Variants in CTIF observed in about 807,000 individuals in gnomAD.
CTIF encodes the protein CBP80/20-dependent translation initiation factor.
A neutral mutation model predicts 66.0 loss-of-function variants in CTIF; 21 were observed. The ratio of observed to expected loss-of-function variants is 0.32; its 90% confidence interval spans 0.23 to 0.46. CTIF has a LOEUF of 0.46. Among genes scored for constraint, CTIF ranks in the 20% least tolerant of loss-of-function variants. The pLI is 1.00. For synonymous variants in CTIF, 345 were observed against 326.4 expected (o/e 1.06, Z -0.62); for missense variants, 739 against 812.7 (o/e 0.91, Z 1.10).
At chr18:48,714,294 C>T (rs1480167985) in intron 7 of CTIF, among the ~76,000 whole-genome samples, 3 of 152,292 alleles carry the variant, frequency 2.0e-5, no homozygotes. Context: ...ATTTCCTGGG[C>T]ACGCATGGTG....
rs2069508683 is a variant in CTIF, at chr18:48,862,882, G to GAC, written c.*3324_*3325dup. 6.6e-6 allele frequency: 1 copy of GAC among 152,282 alleles called. No individual in the cohort carries two copies. The highest frequency in any genetic ancestry group is 1.5e-5 in the Non-Finnish European group (1 of 68,066). 9.4% of individuals were successfully genotyped at this position (152,282 alleles called of 1,614,324 possible). On this transcript the variant is annotated 3_prime_UTR_variant, in exon 12 of 12. Coordinates refer to ENST00000256413, the MANE Select transcript of CTIF (RefSeq NM_014772.3). ...GCCCGTGTTCCTTGTCAGACAGACA[G>GAC]ACTCTCAGGCCTGCCTGGGGAGTCG...
At chr18:48,650,126 A>G (rs1413551913) in intron 3 of CTIF, among the ~76,000 whole-genome samples, 1 of 152,258 alleles carries the variant, frequency 6.6e-6, no homozygotes, top group Non-Finnish European at 1.5e-5. Flanking sequence ...ATGGAGAATG[A>G]CTTTGATGAG....
intron 10 of CTIF, among the ~76,000 whole-genome samples, chr18:48,827,788 C>T (rs1400505916): frequency 3.9e-5 from 6 of 152,190 alleles, no homozygotes; most frequent in Admixed American, 3.9e-4. Context: ...GTAACCTCCG[C>T]CGAAATAACT....
intron 1 of CTIF, among the ~76,000 whole-genome samples, chr18:48,592,661 C>T (rs537737663): frequency 1.1e-3 from 170 of 152,348 alleles, no homozygotes; most frequent in Middle Eastern, 3.4e-3. Context: ...GAGCCTGCCT[C>T]GGCCACTGTC....
rs1328549756 is a variant in CTIF at position 48,619,711 on chromosome 18, G to A, written c.146G>A (p.Gly49Asp). 3 of 1,604,888 alleles carry A rather than the reference G, an allele frequency of 1.9e-6. No individual in the cohort carries two copies. The highest frequency in any genetic ancestry group is 1.3e-5 in the African/African-American group (1 of 74,798). ...CTGGCTGACAAGACGGAGGGTGATG[G>A]CGAGAGCGAGAGGACCCAGTCCCAC... The part of the protein sequence containing the change: ...GLLADKTEGD[G>D]ESERTQSHIS... The change falls in exon 2 of 12, where the codon GGC (glycine) becomes GAC (aspartate). Residue 49 changes from glycine (G) to aspartate (D), a missense_variant. By Grantham distance (94) the Gly-to-Asp change is moderately conservative. Coordinates refer to ENST00000256413, the MANE Select transcript of CTIF (RefSeq NM_014772.3).
At chr18:48,754,789 T>C (rs12960903) in intron 7 of CTIF, among the ~76,000 whole-genome samples, 32,012 of 152,184 alleles carry the variant, frequency 0.21, 4,211 homozygotes, top group African/African-American at 0.37. Context: ...TGGCCATTGC[T>C]ATATTGTCAG....
At chr18:48,688,070 C>T (rs1161441634) in intron 6 of CTIF, among the ~76,000 whole-genome samples, 3 of 152,142 alleles carry the variant, frequency 2.0e-5, no homozygotes, top group Admixed American at 2.0e-4. Flanking sequence ...GCAAGTCTAC[C>T]CTTAAGGAAA....
intron 7 of CTIF, among the ~76,000 whole-genome samples, chr18:48,733,401 A>G (rs1174308734): frequency 3.3e-5 from 5 of 152,150 alleles, no homozygotes; most frequent in African/African-American, 9.6e-5. Context: ...TGAGTGTTGA[A>G]TAGGGCTAGC....
In CTIF at chr18:48,636,649, C is replaced by A; in HGVS notation, c.216C>A (p.Ser72Arg). Residue 72 changes from serine (S) to arginine (R), a missense_variant, in exon 3 of 12, where the codon AGC (serine) becomes AGA (arginine). Around this residue, in one of 2 missense-constraint regions of CTIF, gnomAD observed 529 missense variants for 520.3 expected, o/e 1.02. Transcript: ENST00000256413. ...ACTGCAGCGAACCGCTGGACAGCAG[C>A]TGTTCCTTCTCCCGAGGGCGAGCCC... ...TADCSEPLDS[S>R]CSFSRGRAPP... 2 of 1,601,806 alleles carry A rather than the reference C, an allele frequency of 1.2e-6. No homozygotes were observed. The highest frequency in any genetic ancestry group is 1.7e-6 in the Non-Finnish European group (2 of 1,175,154).
intron 1 of CTIF, among the ~76,000 whole-genome samples, chr18:48,541,084 G>T (rs1011807942): frequency 6.6e-6 from 1 of 152,170 alleles, no homozygotes; most frequent in Non-Finnish European, 1.5e-5. Context: ...GGGTGACCCC[G>T]CACCGAGGCG....
rs577000620 is a variant in CTIF at position 48,739,712 on chromosome 18, G to A, written c.585-18207G>A. On this transcript the variant is annotated intron_variant, in intron 7 of 11. Transcript: ENST00000256413. ...GGCGGGGCCCTTCCCAGGGGCCACT[G>A]GAAGCTGAGAGGCCTGTGGGGCACA... Among the ~76,000 whole-genome samples the A allele has an allele frequency of 3.6e-4, 55 of 152,338 alleles. No individual in the cohort carries two copies. The South Asian group carries it at 7.9e-3, about 22-fold the overall frequency.
rs549289494 is a variant in CTIF at position 48,773,606 on chromosome 18, C to T, written c.1371+11917C>T. 1.3e-3 allele frequency among the ~76,000 whole-genome samples: 195 copies of T among 152,336 alleles called. 1 individual carries two copies. Among genetic ancestry groups the T allele is most frequent in the Non-Finnish European group, 5.0e-4 (34 of 68,024 alleles). ...TCTGGGACAAGTCAGTGGGCATCTT[C>T]GAACCAGAGCCCCTGGGTGAGCAGG... On this transcript the variant is annotated intron_variant, in intron 9 of 11. Transcript: ENST00000256413.
At position 48,757,970 on chromosome 18, in the gene CTIF, C is replaced by G; in HGVS notation, c.636C>G (p.His212Gln). The G allele has an allele frequency of 6.2e-7, 1 of 1,613,940 alleles. No homozygotes were observed. Among genetic ancestry groups the G allele is most frequent in the Non-Finnish European group, 8.5e-7 (1 of 1,179,954 alleles). ...ACAAGCCCCAACAGCATGGTGACCA[C>G]CAGCCAGGCAGTGCCAAACACAACA... ...GGNKPQQHGDHQPGSAKHNRD... is the reference protein window; with the variant it reads ...GGNKPQQHGDQQPGSAKHNRD... The change falls in exon 8 of 12, where the codon CAC becomes CAG. Residue 212 changes from histidine to glutamine, a missense_variant. Physicochemically the swap from His to Gln is conservative, Grantham distance 24. This residue lies in a region of CTIF where 529 missense variants were observed against 520.3 expected (regional missense o/e 1.02). Coordinates refer to ENST00000256413, the MANE Select transcript of CTIF (RefSeq NM_014772.3).
chr18:48,628,485 G>A (rs1177749202), intron 2 of CTIF, among the ~76,000 whole-genome samples: 1 of 152,160 alleles, frequency 6.6e-6, no homozygotes, highest in East Asian at 1.9e-4. Flanking sequence ...TCTTACAAGG[G>A]AGGAAACTGA....
At chr18:48,854,712 G>C (rs1270634584) in intron 10 of CTIF, among the ~76,000 whole-genome samples, 1 of 152,160 alleles carries the variant, frequency 6.6e-6, no homozygotes, top group Non-Finnish European at 1.5e-5. Context: ...CTTGAGGCCA[G>C]GAGTTCAAGA....
intron 1 of CTIF, among the ~76,000 whole-genome samples, chr18:48,570,024 A>T (rs2089375943): frequency 1.3e-5 from 2 of 152,184 alleles, no homozygotes; most frequent in African/African-American, 4.8e-5. Flanking sequence ...AGCAATTTCA[A>T]CCTGCAAACA....
At chr18:48,595,476 G>A (rs139784251) in intron 1 of CTIF, among the ~76,000 whole-genome samples, 2,278 of 152,176 alleles carry the variant, frequency 0.015, 64 homozygotes, top group African/African-American at 0.053. Context: ...ACCCAGGCTG[G>A]AGTGCAGTGG....
intron 1 of CTIF, among the ~76,000 whole-genome samples, chr18:48,576,037 G>A (rs1303362503): frequency 1.3e-5 from 2 of 152,272 alleles, no homozygotes; most frequent in African/African-American, 4.8e-5. Context: ...TCAGAGAGCC[G>A]CCGAAGAACA....
intron 3 of CTIF, among the ~76,000 whole-genome samples, chr18:48,639,643 G>A (rs1331274639): frequency 6.6e-6 from 1 of 152,198 alleles, no homozygotes; most frequent in African/African-American, 2.4e-5. Context: ...ATCAGAGACT[G>A]AATTTATTAG....
Sources: allele counts gnomAD v4.1 joint callset (sites outside exome capture counted in the v4.1 genomes callset), GRCh38; gene constraint gnomAD v4.1.1; regional missense constraint gnomAD v4.1.1; transcripts MANE v1.5; gene names NCBI Gene and HGNC (gene_info 2026-07-23, HGNC 2026-07-21).